ESRRB: variants seen among roughly 807,000 people sequenced by gnomAD.
ESRRB encodes steroid hormone receptor ERR2.
A neutral mutation model predicts 46.0 loss-of-function variants in ESRRB; 16 were observed. The ratio of observed to expected loss-of-function variants is 0.35; its 90% CI spans 0.24 to 0.53. ESRRB has a LOEUF of 0.53. Among genes scored for constraint, ESRRB ranks in the 20% least tolerant of loss-of-function variants. The probability of loss-of-function intolerance (pLI) is 0.93; values close to 1 mark genes in which losing one functional copy is unlikely to be tolerated. For synonymous variants in ESRRB, 246 were observed against 259.6 expected, an observed-to-expected ratio of 0.95 and a Z score of 0.50; for missense variants, 488 against 607.4, an observed-to-expected ratio of 0.80 and a Z score of 2.07.
chr14:76,428,552 C>T lies in ESRRB; in HGVS notation c.51-10789C>T, dbSNP rs117305440. 2.5e-4 allele frequency among the ~76,000 whole-genome samples: 38 copies of T among 152,188 alleles called. No homozygotes were observed. The East Asian group carries it at 7.0e-3, about 28-fold the overall frequency. On this transcript the variant is annotated intron_variant, in intron 1 of 6. Transcript: ENST00000644823. The stretch of plus-strand genomic sequence containing the variant: ...GTGAGAGCTACCAGGTACCATTGGG[C>T]CCTGCATAAGGACACTTGACTGAGA...
chr14:76,467,871 C>T (rs537944167), intron 3 of ESRRB, among the ~76,000 whole-genome samples: 1 of 152,288 alleles, frequency 6.6e-6, no homozygotes, highest in African/African-American at 2.4e-5. Context: ...ACCTCCTCCT[C>T]ACCTCACCTC....
chr14:76,354,056 G>A (rs1027765121), intron 1 of ESRRB, among the ~76,000 whole-genome samples: 2 of 152,122 alleles, frequency 1.3e-5, no homozygotes, highest in Non-Finnish European at 2.9e-5. Context: ...TGTCAGCCCC[G>A]CTGGGTCCTG....
intron 2 of ESRRB, among the ~76,000 whole-genome samples, chr14:76,461,042 C>T (rs542922144): frequency 1.6e-4 from 24 of 152,028 alleles, no homozygotes; most frequent in African/African-American, 5.8e-4. Context: ...CACCTGCTCT[C>T]CCCCCATCGT....
chr14:76,334,905 C>T (rs545349445), intron 1 of ESRRB, among the ~76,000 whole-genome samples: 16 of 152,298 alleles, frequency 1.1e-4, no homozygotes, highest in African/African-American at 3.6e-4. Flanking sequence ...GACAGGGAGC[C>T]ACGTGGTGAT....
chr14:76,391,232 G>C (rs1163026532), intron 1 of ESRRB, among the ~76,000 whole-genome samples: 1 of 152,200 alleles, frequency 6.6e-6, no homozygotes, highest in Non-Finnish European at 1.5e-5. Context: ...GAGTGCGTTT[G>C]GGCTTTTCTA....
At chr14:76,336,843 T>C (rs1240896954) in intron 1 of ESRRB, among the ~76,000 whole-genome samples, 1 of 152,060 alleles carries the variant, frequency 6.6e-6, no homozygotes, top group East Asian at 1.9e-4. Flanking sequence ...GTATCTTACA[T>C]TTATGGGGGT....
At chr14:76,356,093 C>A (rs965496574) in intron 1 of ESRRB, among the ~76,000 whole-genome samples, 1 of 152,222 alleles carries the variant, frequency 6.6e-6, no homozygotes, top group African/African-American at 2.4e-5. Context: ...ATTGACATGA[C>A]CTGCTCCACA....
chr14:76,344,577 G>C (rs548611490), intron 1 of ESRRB, among the ~76,000 whole-genome samples: 3 of 152,194 alleles, frequency 2.0e-5, no homozygotes, highest in Non-Finnish European at 4.4e-5. Flanking sequence ...CAGGCTGGGC[G>C]TGGTGGCTCA....
At chr14:76,354,235 C>CT (rs566408439) in intron 1 of ESRRB, among the ~76,000 whole-genome samples, 1 of 85,948 alleles carries the variant, frequency 1.2e-5, no homozygotes, top group Admixed American at 1.0e-4. Flanking sequence ...CCCCCCCCCC[C>CT]ACCCACACTT....
chr14:76,315,238 C>T (rs1030725334), intron 1 of ESRRB, among the ~76,000 whole-genome samples: 1 of 149,990 alleles, frequency 6.7e-6, no homozygotes, highest in African/African-American at 2.5e-5. Flanking sequence ...GAGGTCCTCG[C>T]CTGGTCTCCC....
intron 1 of ESRRB, among the ~76,000 whole-genome samples, chr14:76,436,019 C>A (rs1337316577): frequency 1.3e-5 from 2 of 152,230 alleles, no homozygotes; most frequent in Non-Finnish European, 2.9e-5. Flanking sequence ...CCTCACCAAC[C>A]CTGATAGAGG....
At chr14:76,345,483 A>G (rs1595050666) in intron 1 of ESRRB, among the ~76,000 whole-genome samples, 2 of 152,238 alleles carry the variant, frequency 1.3e-5, no homozygotes, top group Non-Finnish European at 2.9e-5. Context: ...AATCAAAACC[A>G]CAATGCGATA....
intron 1 of ESRRB, among the ~76,000 whole-genome samples, chr14:76,395,203 G>C (rs1885625350): frequency 6.6e-6 from 1 of 152,122 alleles, no homozygotes; most frequent in Non-Finnish European, 1.5e-5. Flanking sequence ...GTCTTCCCGG[G>C]GCCTCATTCC....
chr14:76,332,976 C>T (rs181319565), intron 1 of ESRRB, among the ~76,000 whole-genome samples: 3,499 of 13,402 alleles, frequency 0.26, 400 homozygotes, highest in East Asian at 0.36. Flanking sequence ...TATTATATAT[C>T]TATATATTAT....
intron 6 of ESRRB, among the ~76,000 whole-genome samples, 154 bp downstream of exon 6, chr14:76,491,870 G>A (rs774455317): frequency 6.6e-6 from 1 of 152,258 alleles, no homozygotes; most frequent in African/African-American, 2.4e-5. Flanking sequence ...TGTCCAAGGG[G>A]TGGCCTGCAG....
In ESRRB at chr14:76,336,725, G is replaced by A. The variant is rs1884130768; in HGVS notation, c.2+25809G>A. ...CAGTTCCCTGGGGGCATCTGCCTGG[G>A]GGGCGATACCCACTCTTCACTCACT... On this transcript the variant is annotated intron_variant, in intron 1 of 6. Coordinates refer to the ESRRB transcript ENST00000512784. Among the ~76,000 whole-genome samples, 6 of 152,164 alleles carry A rather than the reference G, an allele frequency of 3.9e-5. No individual in the cohort carries two copies. In the South Asian group the frequency reaches 1.2e-3, roughly 32 times the overall value.
At chr14:76,357,686 CA>C (rs1445991388) in intron 1 of ESRRB, among the ~76,000 whole-genome samples, 1 of 152,116 alleles carries the variant, frequency 6.6e-6, no homozygotes, top group Non-Finnish European at 1.5e-5. Flanking sequence ...CTAAATTTTA[CA>C]AACATCTTTT....
intron 1 of ESRRB, among the ~76,000 whole-genome samples, chr14:76,397,252 C>T (rs1885728482): frequency 6.6e-6 from 1 of 152,226 alleles, no homozygotes. Flanking sequence ...CCTGAGCCCC[C>T]CATCTTACAG....
intron 1 of ESRRB, among the ~76,000 whole-genome samples, chr14:76,411,109 A>G (rs914214174): frequency 6.6e-6 from 1 of 151,848 alleles, no homozygotes; most frequent in African/African-American, 2.4e-5. Context: ...GGGTCCATCC[A>G]TATGCTATCG....
Sources: allele counts gnomAD v4.1 joint callset (sites outside exome capture counted in the v4.1 genomes callset), GRCh38; gene constraint gnomAD v4.1.1; transcripts MANE v1.5; gene names NCBI Gene and HGNC (gene_info 2026-07-23, HGNC 2026-07-21).